Variants in STX18 observed in about 807,000 individuals in gnomAD.
The protein encoded by STX18 is syntaxin 18.
Under a neutral mutation model 50.1 loss-of-function variants are expected in STX18, and 40 were observed. The ratio of observed to expected loss-of-function variants is 0.80; its 90% CI spans 0.62 to 1.04. STX18 has a LOEUF of 1.04. Among genes scored for constraint, STX18 ranks in the 50% least tolerant of loss-of-function variants. The pLI is 0.00. For missense variants in STX18, 410 were observed against 415.8 expected (o/e 0.99, Z 0.12); for synonymous variants, 158 against 151.8 (o/e 1.04, Z -0.30).
chr4:4,521,603 T>C (rs1161824394), intron 1 of STX18, among the ~76,000 whole-genome samples: 1 of 152,140 alleles, frequency 6.6e-6, no homozygotes, highest in Non-Finnish European at 1.5e-5. Context: ...CAGATGAAGT[T>C]AGAATACAGA....
chr4:4,491,454 G>A (rs1042178514), intron 1 of STX18, among the ~76,000 whole-genome samples: 1 of 152,082 alleles, frequency 6.6e-6, no homozygotes, highest in Non-Finnish European at 1.5e-5. Flanking sequence ...TGAAAACGTT[G>A]AGGGTTTTTT....
chr4:4,500,895 G>C (rs1169243024), intron 1 of STX18, among the ~76,000 whole-genome samples: 1 of 152,046 alleles, frequency 6.6e-6, no homozygotes, highest in East Asian at 1.9e-4. Context: ...AAATTAGCTG[G>C]GCGTGGTGGC....
chr4:4,519,862 T>C (rs981215049), intron 1 of STX18, among the ~76,000 whole-genome samples: 2 of 152,196 alleles, frequency 1.3e-5, no homozygotes, highest in African/African-American at 2.4e-5. Context: ...TACAATTCCC[T>C]GTAGCTGATC....
chr4:4,465,592 A>C (rs1218478477), intron 2 of STX18, among the ~76,000 whole-genome samples: 1 of 152,152 alleles, frequency 6.6e-6, no homozygotes, highest in Non-Finnish European at 1.5e-5. Flanking sequence ...GGAACAATAC[A>C]AACTGGGGCC....
intron 1 of STX18, among the ~76,000 whole-genome samples, chr4:4,481,350 C>T (rs1728450939): frequency 1.3e-5 from 2 of 152,200 alleles, no homozygotes. Flanking sequence ...GATTATGGAA[C>T]ACTAAGTACT....
In STX18 at chr4:4,478,155, G is replaced by A. The variant is rs143891968; in HGVS notation, c.169-6449C>T. On this transcript the variant is annotated intron_variant, in intron 1 of 10. Coordinates refer to ENST00000306200, the MANE Select transcript of STX18 (RefSeq NM_016930.4). ...TAGAAAGAAACTGAGCTTCATGAGAGTATTTGTGAGAGTATTTGTATATGT... is the reference window on the plus strand; with the variant it reads ...TAGAAAGAAACTGAGCTTCATGAGAATATTTGTGAGAGTATTTGTATATGT... Among the ~76,000 whole-genome samples the A allele has an allele frequency of 1.8e-4, 27 of 149,846 alleles. 1 individual carries two copies. The highest frequency in any genetic ancestry group is 6.5e-4 in the African/African-American group (26 of 40,008).
At chr4:4,474,013 G>A (rs1056802319) in intron 1 of STX18, among the ~76,000 whole-genome samples, 4 of 151,946 alleles carry the variant, frequency 2.6e-5, no homozygotes, top group Non-Finnish European at 4.4e-5. Context: ...CGCACACCCC[G>A]CACCACTCCA....
Position 4,420,422 on chromosome 4 carries a change from A to C in STX18, c.913-293T>G, listed in dbSNP as rs1383496736. On this transcript the variant is annotated intron_variant, in intron 10 of 10. Transcript: ENST00000306200. This position sits in a 1 kb window ranked among gnomAD's most constrained non-coding sequence, Gnocchi z 4.3. ...GGGCCCCGAGCAGAGTGTGACCGCA[A>C]GCTTTGTGTTTCCCAGTAACATGAT... 6.9e-6 allele frequency: 3 copies of C among 432,940 alleles called. No individual in the cohort carries two copies. The highest frequency in any genetic ancestry group is 1.3e-5 in the Non-Finnish European group (3 of 237,570). 26.8% of individuals were successfully genotyped at this position (432,940 alleles called of 1,614,324 possible). A position where few individuals can be genotyped will look rare whatever the true frequency, so the allele number is the denominator to read the frequency against.
intron 1 of STX18, among the ~76,000 whole-genome samples, chr4:4,514,802 C>G (rs1003419610): frequency 6.6e-6 from 1 of 152,008 alleles, no homozygotes; most frequent in Non-Finnish European, 1.5e-5. Flanking sequence ...CTAGAGAATT[C>G]TTTCTTTGGA....
At chr4:4,444,457 G>A (rs1230930873) in intron 5 of STX18, among the ~76,000 whole-genome samples, 1 of 152,110 alleles carries the variant, frequency 6.6e-6, no homozygotes, top group East Asian at 1.9e-4. Flanking sequence ...TGAAAACCCT[G>A]AACACCAAGG....
chr4:4,492,187 G>T lies in STX18; in HGVS notation c.169-20481C>A, dbSNP rs145682081. ...GAGATTTATATCCCTAGTAACCATA[G>T]AAATTAATCTTAAGCTTTAGAAAAA... On this transcript the variant is annotated intron_variant, in intron 1 of 10. Transcript: ENST00000306200. Among the ~76,000 whole-genome samples, 655 of 152,118 alleles carry T rather than the reference G, an allele frequency of 4.3e-3. 3 individuals carry two copies. Among genetic ancestry groups the T allele is most frequent in the African/African-American group, 0.015 (632 of 41,544 alleles).
intron 9 of STX18, among the ~76,000 whole-genome samples, chr4:4,421,482 T>G (rs60672762): frequency 0.051 from 7,740 of 152,158 alleles, 629 homozygotes; most frequent in African/African-American, 0.17. Flanking sequence ...CTTGAACTCT[T>G]GAGCTCACAC....
chr4:4,475,359 G>A (rs1204211488), intron 1 of STX18, among the ~76,000 whole-genome samples: 4 of 151,722 alleles, frequency 2.6e-5, no homozygotes, highest in African/African-American at 7.3e-5. Context: ...ATACTTAACA[G>A]GAACACAATG....
chr4:4,502,042 T>C (rs1415505989), intron 1 of STX18, among the ~76,000 whole-genome samples: 1 of 152,150 alleles, frequency 6.6e-6, no homozygotes, highest in Non-Finnish European at 1.5e-5. Context: ...TGCACATTAA[T>C]GGAAAGATGA....
rs1724859308 is a variant in STX18, at chr4:4,420,235, C to G, written c.913-106G>C. On this transcript the variant is annotated intron_variant, in intron 10 of 10. Coordinates refer to ENST00000306200, the MANE Select transcript of STX18 (RefSeq NM_016930.4). The surrounding 1 kb of genome is among the most constrained non-coding windows in gnomAD (Gnocchi z 4.3). ...CGTGCTCTCCTGATCCTGGCTGTAACTATGGGTGTCGTTCCATCTGTGCTT... is the reference window on the plus strand; with the variant it reads ...CGTGCTCTCCTGATCCTGGCTGTAAGTATGGGTGTCGTTCCATCTGTGCTT... The G allele has an allele frequency of 2.4e-6, 2 of 837,094 alleles. No individual in the cohort carries two copies. The highest frequency in any genetic ancestry group is 3.9e-6 in the Non-Finnish European group (2 of 518,788). 51.9% of individuals were successfully genotyped at this position (837,094 alleles called of 1,614,324 possible). A position where few individuals can be genotyped will look rare whatever the true frequency, so the allele number is the denominator to read the frequency against.
At chr4:4,454,583 T>C (rs1277732326) in intron 5 of STX18, among the ~76,000 whole-genome samples, 1 of 152,220 alleles carries the variant, frequency 6.6e-6, no homozygotes, top group East Asian at 1.9e-4. Context: ...TTCTCCGTAA[T>C]GTCTTGGAGC....
At chr4:4,480,722 T>G (rs914017729) in intron 1 of STX18, among the ~76,000 whole-genome samples, 1 of 152,172 alleles carries the variant, frequency 6.6e-6, no homozygotes, top group Non-Finnish European at 1.5e-5. Context: ...ACTCCAAACA[T>G]ACTAAGGCAG....
intron 5 of STX18, chr4:4,453,718 A>G (rs1560171607): frequency 1.0e-6 from 1 of 968,362 alleles, no homozygotes; most frequent in Non-Finnish European, 1.2e-6. Context: ...TCATAGTACT[A>G]TAATTTTAAA....
In STX18 at chr4:4,454,308, TG is replaced by T. The variant is rs201118428; in HGVS notation, c.497+2882del. 3.9e-5 allele frequency among the ~76,000 whole-genome samples: 6 copies of T among 152,360 alleles called. No individual in the cohort carries two copies. The East Asian group carries it at 5.8e-4, about 15-fold the overall frequency. On this transcript the variant is annotated intron_variant, in intron 5 of 10. Coordinates refer to ENST00000306200, the MANE Select transcript of STX18 (RefSeq NM_016930.4). Reference sequence around the variant, plus strand: ...AATTGGCACAGGGCAGCTAACTATGTGGCAGGAGACAAGGCTATACTTCGCT... The same window carrying T: ...AATTGGCACAGGGCAGCTAACTATGTGCAGGAGACAAGGCTATACTTCGCT...
Sources: gnomAD v4.1 joint callset for allele counts (sites outside exome capture counted in the v4.1 genomes callset) on GRCh38, gnomAD v4.1.1 for gene constraint, Gnocchi (gnomAD v3.1) non-coding constraint, MANE v1.5 for transcripts, NCBI Gene and HGNC (gene_info 2026-07-23, HGNC 2026-07-21) for gene names.